The following NEB variants were observed in gnomAD, a reference collection of about 807,000 sequenced individuals.
The protein encoded by NEB is nebulin.
In NEB, 512 loss-of-function variants were observed where a neutral mutation model predicts 952.2. The ratio of observed to expected loss-of-function variants is 0.54; its 90% CI spans 0.50 to 0.58. The LOEUF (loss-of-function observed/expected upper bound fraction) is 0.58. Among genes scored for constraint, NEB ranks in the 20% least tolerant of loss-of-function variants. The pLI is 0.00. For synonymous variants in NEB, 2,900 were observed against 3,149.8 expected (o/e 0.92, Z 2.66); for missense variants, 8,428 against 9,231.1 (o/e 0.91, Z 3.56).
intron 164 of NEB, 101 bp from the exon 165 acceptor site, chr2:151,505,671 TAAC>T (rs2068243281): frequency 1.0e-6 from 1 of 967,198 alleles, no homozygotes; most frequent in Non-Finnish European, 1.7e-6. Flanking sequence ...TTAAAAAAAT[TAAC>T]AGTGTAAATA....
At chr2:151,578,115 G>C (rs902221325) in intron 105 of NEB, among the ~76,000 whole-genome samples, 1 of 152,210 alleles carries the variant, frequency 6.6e-6, no homozygotes, top group African/African-American at 2.4e-5. Flanking sequence ...ACCTCTGGAA[G>C]CTTAAGGGAA....
At chr2:151,547,580 G>A (rs1483384697) in intron 132 of NEB, 47 bp from the exon 133 acceptor site, 24 of 1,600,606 alleles carry the variant, frequency 1.5e-5, no homozygotes, top group Non-Finnish European at 2.1e-5. Flanking sequence ...GAGACCGAAT[G>A]ATTAACATTC....
chr2:151,694,606 C>A lies in NEB; in HGVS notation c.1698G>T (p.Glu566Asp). Residue 566 changes from glutamate to aspartate, a missense_variant, in exon 19 of 182, where the codon GAG becomes GAT. This residue lies in a region of NEB where 2,851 missense variants were observed against 2,791.5 expected (regional missense o/e 1.02). Coordinates refer to ENST00000397345, the MANE Select transcript of NEB (RefSeq NM_001164508.2). ...TGTCAAACTTTTTGGCTTTGCTCTT[C>A]TCCCAGTCTTGCTTATAAAGATTCT... ...LSDNLYKQDW[E>D]KSKAKKFDIK... 6.3e-7 allele frequency: 1 copy of A among 1,594,280 alleles called. No individual in the cohort carries two copies. Among genetic ancestry groups the A allele is most frequent in the Admixed American group, 1.8e-5 (1 of 56,366 alleles).
At chr2:151,710,094 A>G (rs2099740100) in intron 11 of NEB, among the ~76,000 whole-genome samples, 1 of 152,238 alleles carries the variant, frequency 6.6e-6, no homozygotes, top group African/African-American at 2.4e-5. Context: ...AAATTAATCA[A>G]TTTCATAACT....
chr2:151,493,250 AT>A, intron 176 of NEB, 102 bp downstream of exon 176: 1 of 923,080 alleles, frequency 1.1e-6, no homozygotes. Context: ...CTCTTTTAAA[AT>A]TTTAGTGTGT....
At chr2:151,507,105 G>A (rs1559349019) in intron 162 of NEB, 92 bp from the exon 163 acceptor site, 1 of 795,230 alleles carries the variant, frequency 1.3e-6, no homozygotes, top group African/African-American at 1.8e-5. Context: ...TTAAAATCCT[G>A]TATCTTTAAA....
At chr2:151,505,803 C>A in intron 164 of NEB, 1 of 562,444 alleles carries the variant, frequency 1.8e-6, no homozygotes, top group Non-Finnish European at 3.2e-6. Flanking sequence ...GGGATGGGGG[C>A]CCCTATTTAG....
At chr2:151,734,314 C>T (rs968050842) in intron 1 of NEB, 84 bp downstream of exon 1, 8 of 152,054 alleles carry the variant, frequency 5.3e-5, no homozygotes, top group Admixed American at 2.6e-4. Context: ...CAGTTATGGC[C>T]CAAACCTTTG....
At position 151,666,305 on chromosome 2, in the gene NEB, C is replaced by A; in HGVS notation, c.4816G>T (p.Ala1606Ser). Residue 1606 changes from alanine to serine, a missense_variant, in exon 41 of 182, where the codon GCC becomes TCC. By Grantham distance (99) the Ala-to-Ser change is moderately conservative. Around this residue, in one of 11 missense-constraint regions of NEB, gnomAD observed 2,851 missense variants for 2,791.5 expected, o/e 1.02. Transcript: ENST00000397345. Reference sequence around the variant, plus strand: ...TACTCACGATCAGACTGGATTTTGGCCACATTCATGTAGTGAACCAGTTTA... The same window carrying A: ...TACTCACGATCAGACTGGATTTTGGACACATTCATGTAGTGAACCAGTTTA... ...DPKLVHYMNVAKIQSDREYKK... is the reference protein window; with the variant it reads ...DPKLVHYMNVSKIQSDREYKK... 6.2e-7 allele frequency: 1 copy of A among 1,613,896 alleles called. No homozygotes were observed. The highest frequency in any genetic ancestry group is 8.5e-7 in the Non-Finnish European group (1 of 1,179,848).
In NEB at chr2:151,526,200, A is replaced by G; in HGVS notation, c.22008T>C (p.Pro7336=). The G allele has an allele frequency of 6.2e-7, 1 of 1,613,932 alleles. No individual in the cohort carries two copies. Residue 7336 remains proline (P), a synonymous_variant, in exon 149 of 182, where the codon CCT becomes CCC. Coordinates refer to ENST00000397345, the MANE Select transcript of NEB (RefSeq NM_001164508.2). ...TGACAGTCTTCGCCAGCAGGATCTG[A>G]GGCGTGTCAGGTACGGCATGGCAGG... ...RGTCHAVPDT[P]QILLAKTVSN... is the part of the protein sequence containing the mutation.
Position 151,553,485 on chromosome 2 carries a change from G to A in NEB, c.19644C>T (p.Asp6548=). 6.2e-7 allele frequency: 1 copy of A among 1,612,534 alleles called. No individual in the cohort carries two copies. The highest frequency in any genetic ancestry group is 1.1e-5 in the South Asian group (1 of 91,040). Residue 6548 remains aspartate, a synonymous_variant, in exon 127 of 182, where the codon GAC becomes GAT. Transcript: ENST00000397345. The part of the protein sequence containing the change: ...DQISDIVYKD[D]LNWLKGIGCY... ...AACCAATGCCTTTCAGCCAGTTGAG[G>A]TCATCCTTGTATACAATCTAGAGGG...
chr2:151,658,924 T>A (rs1014459670), intron 47 of NEB, 141 bp downstream of exon 47: 5 of 755,826 alleles, frequency 6.6e-6, no homozygotes, highest in African/African-American at 1.7e-5. Flanking sequence ...CAAAGCAAAA[T>A]TAGAAAGAGT....
chr2:151,697,270 T>G lies in NEB; in HGVS notation c.1366-18A>C, dbSNP rs746029836. The G allele has an allele frequency of 1.9e-6, 3 of 1,611,490 alleles. No homozygotes were observed. The highest frequency in any genetic ancestry group is 2.2e-5 in the South Asian group (2 of 91,020). On this transcript the variant is annotated intron_variant, in intron 15 of 181. Transcript: ENST00000397345. ...TAGTTTTTCTATGAGGAGAAGAAATTAGGCATAAGATGCAGCCATTGTATT... is the reference window on the plus strand; with the variant it reads ...TAGTTTTTCTATGAGGAGAAGAAATGAGGCATAAGATGCAGCCATTGTATT...
In NEB at chr2:151,561,195, C is replaced by T. The variant is rs2153702997; in HGVS notation, c.19101+13G>A. On this transcript the variant is annotated intron_variant, in intron 122 of 181. Coordinates refer to ENST00000397345, the MANE Select transcript of NEB (RefSeq NM_001164508.2). ...ATAGTTTGTCCCTGGAAGAGGAGTA[C>T]AGGAAGACGCACCTCACTGGCATTA... 6.3e-7 allele frequency: 1 copy of T among 1,596,918 alleles called. No homozygotes were observed. Among genetic ancestry groups the T allele is most frequent in the Non-Finnish European group, 8.6e-7 (1 of 1,168,568 alleles).
chr2:151,499,273 A>G, intron 169 of NEB, 25 bp downstream of exon 169: 1 of 1,190,256 alleles, frequency 8.4e-7, no homozygotes, highest in South Asian at 1.5e-5. Context: ...TTAAATAATT[A>G]AAGGGATTTT....
At chr2:151,581,795 A>T (rs1471606534) in intron 102 of NEB, among the ~76,000 whole-genome samples, 1 of 146,140 alleles carries the variant, frequency 6.8e-6, no homozygotes, top group Non-Finnish European at 1.5e-5. Flanking sequence ...TTAAATAATA[A>T]GCAAAATGAA....
In NEB at chr2:151,518,988, T is replaced by C; in HGVS notation, c.22672A>G (p.Asn7558Asp). 6.2e-7 allele frequency: 1 copy of C among 1,613,344 alleles called. No homozygotes were observed. Among genetic ancestry groups the C allele is most frequent in the Non-Finnish European group, 8.5e-7 (1 of 1,179,334 alleles). The change falls in exon 155 of 182, where the codon AAT becomes GAT. Residue 7558 changes from asparagine (N) to aspartate (D), a missense_variant. Coordinates refer to ENST00000397345, the MANE Select transcript of NEB (RefSeq NM_001164508.2). Reference sequence around the variant, plus strand: ...ACAGAACTGGCAAGTTGGCTTGTATTCAGGACATGATTCATGATCAGAGAC... The same window carrying C: ...ACAGAACTGGCAAGTTGGCTTGTATCCAGGACATGATTCATGATCAGAGAC... ...KESLIMNHVL[N>D]TSQLASSYQY...
chr2:151,617,385 G>A lies in NEB; in HGVS notation c.11160C>T (p.Leu3720=). The part of the protein sequence containing the change: ...PDTPEIMLAK[L]NRINYSDKLY... ...TTACATCACTGTAGTTTATTCGGTTGAGTTTGGCTAACATGATTTCTGGTG... is the reference window on the plus strand; with the variant it reads ...TTACATCACTGTAGTTTATTCGGTTAAGTTTGGCTAACATGATTTCTGGTG... Residue 3720 remains leucine (L), a synonymous_variant, in exon 75 of 182, where the codon CTC becomes CTT. Transcript: ENST00000397345. 1 of 1,560,190 alleles carries A rather than the reference G, an allele frequency of 6.4e-7. No individual in the cohort carries two copies. The highest frequency in any genetic ancestry group is 1.2e-5 in the South Asian group (1 of 85,304).
intron 81 of NEB, among the ~76,000 whole-genome samples, chr2:151,609,010 T>C (rs1318742075): frequency 1.5e-5 from 2 of 137,626 alleles, no homozygotes; most frequent in Admixed American, 7.3e-5. Context: ...GCACTGAAAC[T>C]CTGAGTACAT....
Sources: allele counts gnomAD v4.1 joint callset (sites outside exome capture counted in the v4.1 genomes callset), GRCh38; gene constraint gnomAD v4.1.1; regional missense constraint gnomAD v4.1.1; transcripts MANE v1.5; gene names NCBI Gene and HGNC (gene_info 2026-07-23, HGNC 2026-07-21).